Variants in PAXIP1 observed in about 807,000 individuals in gnomAD.
PAXIP1 encodes PAX interacting protein 1.
A neutral mutation model predicts 140.6 loss-of-function variants in PAXIP1; 19 were observed. The ratio of observed to expected loss-of-function variants is 0.14; its 90% CI spans 0.09 to 0.20. PAXIP1 has a LOEUF of 0.20. Among genes scored for constraint, PAXIP1 ranks in the 10% least tolerant of loss-of-function variants. PAXIP1 has a pLI of 1.00. For synonymous variants in PAXIP1, 442 were observed against 444.6 expected (o/e 0.99, Z 0.07); for missense variants, 920 against 1,208.6 (o/e 0.76, Z 3.54).
Position 154,972,122 on chromosome 7 carries a change from ATTATT to A in PAXIP1, c.1075-3001_1075-2997del, listed in dbSNP as rs560102035. Among the ~76,000 whole-genome samples the A allele has an allele frequency of 4.9e-4, 75 of 152,348 alleles. No homozygotes were observed. The South Asian group carries it at 0.015, about 31-fold the overall frequency. Reference sequence around the variant, plus strand: ...GTCAATTCTTTCCATTTCAAAGTAAATTATTTTGTCTCTATATCCAAATACAAACT... The same window carrying A: ...GTCAATTCTTTCCATTTCAAAGTAAATTGTCTCTATATCCAAATACAAACT... On this transcript the variant is annotated intron_variant, in intron 6 of 20. Coordinates refer to ENST00000404141, the MANE Select transcript of PAXIP1 (RefSeq NM_007349.4).
At chr7:154,980,686 T>A (rs527748234) in intron 5 of PAXIP1, among the ~76,000 whole-genome samples, 1 of 152,282 alleles carries the variant, frequency 6.6e-6, no homozygotes, top group African/African-American at 2.4e-5. Context: ...GTGCTGGGAT[T>A]TACAGGCGTG....
intron 5 of PAXIP1, among the ~76,000 whole-genome samples, chr7:154,981,986 C>A (rs1490978262): frequency 6.6e-6 from 1 of 152,162 alleles, no homozygotes; most frequent in African/African-American, 2.4e-5. Flanking sequence ...ACCGCTTTGA[C>A]AAACCCACTC....
intron 8 of PAXIP1, 163 bp downstream of exon 8, chr7:154,967,653 T>C: frequency 1.8e-6 from 1 of 569,486 alleles, no homozygotes; most frequent in Non-Finnish European, 3.1e-6. Context: ...CCCAGAAAAG[T>C]GCTGTGCCTC....
intron 1 of PAXIP1, among the ~76,000 whole-genome samples, 197 bp from the exon 2 acceptor site, chr7:154,998,981 A>G (rs1333502523): frequency 6.6e-6 from 1 of 152,240 alleles, no homozygotes; most frequent in Non-Finnish European, 1.5e-5. Flanking sequence ...GCAAATCTTG[A>G]TTCACTGACC....
At position 155,003,106 on chromosome 7, in the gene PAXIP1, C is replaced by A; in HGVS notation, c.-177G>T. 1 of 164,610 alleles carries A rather than the reference C, an allele frequency of 6.1e-6. No individual in the cohort carries two copies. Among genetic ancestry groups the A allele is most frequent in the South Asian group, 1.8e-4 (1 of 5,614 alleles). 10.2% of individuals were successfully genotyped at this position (164,610 alleles called of 1,614,324 possible). On this transcript the variant is annotated 5_prime_UTR_variant, in exon 1 of 21. Coordinates refer to ENST00000404141, the MANE Select transcript of PAXIP1 (RefSeq NM_007349.4). ...CGCCCTCCGCGCCCCCGCCCGCGCCCGCGCCGAGCGCCCGAAGCGCGGGAG... is the reference window on the plus strand; with the variant it reads ...CGCCCTCCGCGCCCCCGCCCGCGCCAGCGCCGAGCGCCCGAAGCGCGGGAG...
Position 154,944,056 on chromosome 7 carries a change from CAAG to C in PAXIP1, c.*90_*92del. 2 of 1,200,952 alleles carry C rather than the reference CAAG, an allele frequency of 1.7e-6. No individual in the cohort carries two copies. The highest frequency in any genetic ancestry group is 2.5e-6 in the Non-Finnish European group (2 of 814,912). 74.4% of individuals were successfully genotyped at this position (1,200,952 alleles called of 1,614,324 possible). On this transcript the variant is annotated 3_prime_UTR_variant, in exon 21 of 21. Transcript: ENST00000404141. ...ATCCCCCAGGAAAGCAGCTGGAAAA[CAAG>C]AGCATGTGAAGGAAGCGCAGCAGCT...
intron 8 of PAXIP1, chr7:154,964,964 G>C (rs919712503): frequency 6.6e-6 from 1 of 152,108 alleles, no homozygotes; most frequent in African/African-American, 2.4e-5. Context: ...ATGTACATAT[G>C]GTGGTTCTAT....
At chr7:154,981,743 T>C (rs1052563736) in intron 5 of PAXIP1, among the ~76,000 whole-genome samples, 9 of 152,184 alleles carry the variant, frequency 5.9e-5, no homozygotes, top group African/African-American at 2.2e-4. Context: ...ATTAAAGTAT[T>C]TATATATAGA....
chr7:154,953,449 C>T (rs569825512), intron 16 of PAXIP1, among the ~76,000 whole-genome samples: 2 of 152,122 alleles, frequency 1.3e-5, no homozygotes, highest in Non-Finnish European at 2.9e-5. Flanking sequence ...ATGAGAAAAA[C>T]GACTGAGAAT....
chr7:154,955,769 T>C (rs1407380973), intron 14 of PAXIP1, 138 bp from the exon 15 acceptor site: 4 of 534,290 alleles, frequency 7.5e-6, no homozygotes, highest in Non-Finnish European at 1.0e-5. Flanking sequence ...AAAAATACAA[T>C]GAGCTATCTG....
At position 154,968,821 on chromosome 7, in the gene PAXIP1, C is replaced by A. The variant is rs371796152; in HGVS notation, c.1380G>T (p.Pro460=). The part of the protein sequence containing the change: ...QQQQQQQQAH[P]HQFSQQQLQF... ...GTAGCTGTTGCTGTGAAAACTGATG[C>A]GGATGGGCTTGCTGCTGCTGCTGCT... The change falls in exon 7 of 21, where the codon CCG becomes CCT. Residue 460 remains proline, a synonymous_variant. Coordinates refer to ENST00000404141, the MANE Select transcript of PAXIP1 (RefSeq NM_007349.4). The A allele has an allele frequency of 9.5e-6, 7 of 735,374 alleles. No homozygotes were observed. Among genetic ancestry groups the A allele is most frequent in the Admixed American group, 4.0e-5 (2 of 49,934 alleles). 45.6% of individuals were successfully genotyped at this position (735,374 alleles called of 1,614,324 possible). A position where few individuals can be genotyped will look rare whatever the true frequency, so the allele number is the denominator to read the frequency against.
chr7:154,959,891 A>C lies in PAXIP1; in HGVS notation c.2477T>G (p.Met826Arg). The change falls in exon 13 of 21, where the codon ATG becomes AGG. Residue 826 changes from methionine to arginine, a missense_variant and splice_region_variant. Around this residue, in one of 5 missense-constraint regions of PAXIP1, gnomAD observed 303 missense variants for 517.9 expected, o/e 0.59. Coordinates refer to ENST00000404141, the MANE Select transcript of PAXIP1 (RefSeq NM_007349.4). ...GGTAAGGTTATTAATTTGACATACCATCAACAACTCTGCAGACACTTTTAA... is the reference window on the plus strand; with the variant it reads ...GGTAAGGTTATTAATTTGACATACCCTCAACAACTCTGCAGACACTTTTAA... ...VPLKVSAELLMSIRLPPKLKQ... is the reference protein window; with the variant it reads ...VPLKVSAELLRSIRLPPKLKQ... The C allele has an allele frequency of 6.3e-7, 1 of 1,597,174 alleles. No individual in the cohort carries two copies. Among genetic ancestry groups the C allele is most frequent in the Non-Finnish European group, 8.6e-7 (1 of 1,164,696 alleles).
intron 4 of PAXIP1, among the ~76,000 whole-genome samples, chr7:154,984,488 T>C (rs1809978510): frequency 6.6e-6 from 1 of 152,254 alleles, no homozygotes; most frequent in Non-Finnish European, 1.5e-5. Context: ...GCCAATAATC[T>C]AGCATTGTTC....
At chr7:154,970,300 C>CA (rs2150759306) in intron 6 of PAXIP1, among the ~76,000 whole-genome samples, 1 of 152,340 alleles carries the variant, frequency 6.6e-6, no homozygotes, top group Non-Finnish European at 1.5e-5. Flanking sequence ...ACCAAAATCT[C>CA]AAACATATTC....
chr7:154,967,794 C>T (rs1003593794), intron 8 of PAXIP1, 22 bp downstream of exon 8: 62 of 1,551,428 alleles, frequency 4.0e-5, no homozygotes, highest in Non-Finnish European at 5.5e-5. Flanking sequence ...CACAGTCATC[C>T]TTCCTCCAGG....
At chr7:155,001,985 G>A (rs987185406) in intron 1 of PAXIP1, 3 of 152,194 alleles carry the variant, frequency 2.0e-5, no homozygotes, top group Non-Finnish European at 2.9e-5. Flanking sequence ...CCAAGGTGGG[G>A]GCCACTGATG....
Position 154,963,901 on chromosome 7 carries a change from G to A in PAXIP1, c.1894-135C>T, listed in dbSNP as rs997893731. 1.8e-5 allele frequency: 12 copies of A among 657,972 alleles called. No homozygotes were observed. Among genetic ancestry groups the A allele is most frequent in the Non-Finnish European group, 3.0e-5 (11 of 363,634 alleles). 40.8% of individuals were successfully genotyped at this position (657,972 alleles called of 1,614,324 possible). Reference sequence around the variant, plus strand: ...TATTTCCTCAAAGTATCAAGGACATGTAACAGTTCTATTTACGGACTTTTC... The same window carrying A: ...TATTTCCTCAAAGTATCAAGGACATATAACAGTTCTATTTACGGACTTTTC... On this transcript the variant is annotated intron_variant, in intron 8 of 20. Transcript: ENST00000404141. This position sits in a 1 kb window ranked among gnomAD's most constrained non-coding sequence, Gnocchi z 4.1.
At position 154,963,267 on chromosome 7, in the gene PAXIP1, C is replaced by T. The variant is rs1808849972; in HGVS notation, c.1989+404G>A. 6.6e-6 allele frequency among the ~76,000 whole-genome samples: 1 copy of T among 152,032 alleles called. No individual in the cohort carries two copies. ...CTTGGCTCACTGCAACCTCTACCTCCTGGGTTCAAGCAATTCTCCTGCCTC... is the reference window on the plus strand; with the variant it reads ...CTTGGCTCACTGCAACCTCTACCTCTTGGGTTCAAGCAATTCTCCTGCCTC... On this transcript the variant is annotated intron_variant, in intron 9 of 20. Coordinates refer to ENST00000404141, the MANE Select transcript of PAXIP1 (RefSeq NM_007349.4). The surrounding 1 kb of genome is among the most constrained non-coding windows in gnomAD (Gnocchi z 4.1).
intron 1 of PAXIP1, among the ~76,000 whole-genome samples, chr7:155,002,251 A>T (rs940816013): frequency 6.6e-6 from 1 of 152,244 alleles, no homozygotes; most frequent in Non-Finnish European, 1.5e-5. Flanking sequence ...TCCAAGTGGG[A>T]AAATCAAGGA....
Sources: allele counts gnomAD v4.1 joint callset (sites outside exome capture counted in the v4.1 genomes callset), GRCh38; gene constraint gnomAD v4.1.1; regional missense constraint gnomAD v4.1.1; non-coding constraint Gnocchi (gnomAD v3.1); transcripts MANE v1.5; gene names NCBI Gene and HGNC (gene_info 2026-07-23, HGNC 2026-07-21).